Variants in ZBTB7C observed in about 807,000 individuals in gnomAD.
ZBTB7C encodes the protein zinc finger and BTB domain-containing protein 7C.
A neutral mutation model predicts 25.7 loss-of-function variants in ZBTB7C; 8 were observed. The observed-to-expected ratio is 0.31, with a 90% CI of 0.18 to 0.56. ZBTB7C has a LOEUF of 0.56. Ranked by LOEUF, ZBTB7C falls within the 20% of genes least tolerant of loss-of-function variation. ZBTB7C has a pLI of 0.91. For missense variants in ZBTB7C, 824 were observed against 855.2 expected (o/e 0.96, Z 0.46); for synonymous variants, 394 against 369.0 (o/e 1.07, Z -0.78).
chr18:48,316,629 C>G (rs1163170442), intron 2 of ZBTB7C, among the ~76,000 whole-genome samples: 1 of 152,200 alleles, frequency 6.6e-6, no homozygotes, highest in Non-Finnish European at 1.5e-5. Context: ...AGCCTGGCAT[C>G]TCTTGCTCCC....
chr18:48,373,164 T>A (rs1039761670), intron 1 of ZBTB7C, among the ~76,000 whole-genome samples: 1 of 152,162 alleles, frequency 6.6e-6, no homozygotes, highest in African/African-American at 2.4e-5. Context: ...TAATCCCCAA[T>A]GCTGGAGGTG....
intron 3 of ZBTB7C, among the ~76,000 whole-genome samples, chr18:48,076,366 G>C (rs779717030): frequency 2.0e-5 from 3 of 152,112 alleles, no homozygotes; most frequent in Non-Finnish European, 2.9e-5. Context: ...GGTTTAATGT[G>C]GTAAGGACCT....
chr18:48,342,920 T>C (rs1463675338), intron 1 of ZBTB7C, among the ~76,000 whole-genome samples: 1 of 151,662 alleles, frequency 6.6e-6, no homozygotes, highest in Non-Finnish European at 1.5e-5. Flanking sequence ...TACTGGAGTT[T>C]CATCCTTTGC....
At chr18:48,404,829 T>A (rs977526152) in intron 1 of ZBTB7C, among the ~76,000 whole-genome samples, 1 of 152,222 alleles carries the variant, frequency 6.6e-6, no homozygotes, top group Non-Finnish European at 1.5e-5. Context: ...ATGTTTTTCA[T>A]GTCCAGCCCT....
intron 2 of ZBTB7C, among the ~76,000 whole-genome samples, chr18:48,189,605 A>G (rs544242293): frequency 8.5e-4 from 130 of 152,240 alleles, no homozygotes; most frequent in Non-Finnish European, 2.1e-4. Context: ...CCAAGTTAGC[A>G]GTTGCTGCCT....
chr18:48,375,864 T>G (rs1450963346), intron 1 of ZBTB7C, among the ~76,000 whole-genome samples: 2 of 152,216 alleles, frequency 1.3e-5, no homozygotes, highest in South Asian at 2.1e-4. Context: ...ACTAGGAACT[T>G]GAAGACTTGG....
chr18:48,039,653 CCCTGCTCTTA>C (rs1422245816), intron 4 of ZBTB7C, among the ~76,000 whole-genome samples: 3 of 152,218 alleles, frequency 2.0e-5, no homozygotes, highest in Non-Finnish European at 4.4e-5. Flanking sequence ...GCCAGAACAG[CCCTGCTCTTA>C]CCTGCTTCAT....
rs73955679 is a variant in ZBTB7C, at chr18:48,291,543, G to A, written c.-79+46631C>T. On this transcript the variant is annotated intron_variant, in intron 2 of 4. Coordinates refer to ENST00000590800, the MANE Select transcript of ZBTB7C (RefSeq NM_001318841.2). Reference sequence around the variant, plus strand: ...AAACCCACAGGGAGCCCAGGCCTGCGTATCCACCGGGACAGGCAGCCCAGG... The same window carrying A: ...AAACCCACAGGGAGCCCAGGCCTGCATATCCACCGGGACAGGCAGCCCAGG... 1.9e-3 allele frequency among the ~76,000 whole-genome samples: 293 copies of A among 152,262 alleles called. 1 individual carries two copies. The highest frequency in any genetic ancestry group is 6.7e-3 in the African/African-American group (278 of 41,546).
chr18:48,184,215 T>A (rs1216840629), intron 3 of ZBTB7C, among the ~76,000 whole-genome samples: 1 of 152,046 alleles, frequency 6.6e-6, no homozygotes, highest in Non-Finnish European at 1.5e-5. Flanking sequence ...AACATGGACA[T>A]CCAGAACAGA....
chr18:48,104,979 A>G (rs1255589129), intron 3 of ZBTB7C, among the ~76,000 whole-genome samples: 1 of 152,188 alleles, frequency 6.6e-6, no homozygotes, highest in African/African-American at 2.4e-5. Context: ...GCTACAGGCA[A>G]ACTCCCACAG....
chr18:48,321,975 G>A (rs780525937), intron 2 of ZBTB7C, among the ~76,000 whole-genome samples: 4 of 152,190 alleles, frequency 2.6e-5, no homozygotes, highest in African/African-American at 7.2e-5. Flanking sequence ...CATTCACAGC[G>A]GATCAGGCTG....
intron 3 of ZBTB7C, among the ~76,000 whole-genome samples, chr18:48,070,970 CT>C (rs2037519063): frequency 6.6e-6 from 1 of 152,180 alleles, no homozygotes; most frequent in Non-Finnish European, 1.5e-5. Context: ...TCGGAAATCA[CT>C]TTATGTTGTA....
At chr18:48,133,024 A>T (rs918939727) in intron 3 of ZBTB7C, among the ~76,000 whole-genome samples, 2 of 152,196 alleles carry the variant, frequency 1.3e-5, no homozygotes, top group Non-Finnish European at 2.9e-5. Flanking sequence ...TAATTTTTCA[A>T]GTTTGGAGTC....
At chr18:48,389,236 C>CGTGTGTGTGTGTGT (rs71165323) in intron 1 of ZBTB7C, among the ~76,000 whole-genome samples, 14 of 62,362 alleles carry the variant, frequency 2.2e-4, no homozygotes, top group African/African-American at 9.8e-4. Flanking sequence ...CTCTCTCTCT[C>CGTGTGTGTGTGTGT]GTGTGTGTGT....
At chr18:48,224,715 T>TC (rs2043046405) in intron 2 of ZBTB7C, among the ~76,000 whole-genome samples, 1 of 152,196 alleles carries the variant, frequency 6.6e-6, no homozygotes, top group South Asian at 2.1e-4. Flanking sequence ...AAGGCCTTTT[T>TC]CCCAATTCCA....
chr18:48,344,021 G>C (rs567448693), intron 1 of ZBTB7C, among the ~76,000 whole-genome samples: 2 of 152,302 alleles, frequency 1.3e-5, no homozygotes, highest in East Asian at 3.9e-4. Flanking sequence ...GTCTGGCTCT[G>C]TCACCTAGGC....
chr18:48,223,822 C>T (rs2043019197), intron 2 of ZBTB7C, among the ~76,000 whole-genome samples: 1 of 152,266 alleles, frequency 6.6e-6, no homozygotes, highest in Admixed American at 6.5e-5. Context: ...CTGCTGTTTC[C>T]TTACCTAATA....
At chr18:48,097,900 A>G (rs1598873906) in intron 3 of ZBTB7C, among the ~76,000 whole-genome samples, 1 of 151,504 alleles carries the variant, frequency 6.6e-6, no homozygotes, top group East Asian at 1.9e-4. Context: ...TTTTACTTAC[A>G]AAAGCATCTT....
chr18:48,191,241 G>T (rs2042187606), intron 2 of ZBTB7C, among the ~76,000 whole-genome samples: 1 of 152,186 alleles, frequency 6.6e-6, no homozygotes, highest in African/African-American at 2.4e-5. Flanking sequence ...TGGCTGGGAG[G>T]ATGGCCAGGT....
Sources: allele counts gnomAD v4.1 joint callset (sites outside exome capture counted in the v4.1 genomes callset), GRCh38; gene constraint gnomAD v4.1.1; transcripts MANE v1.5; gene names NCBI Gene and HGNC (gene_info 2026-07-23, HGNC 2026-07-21).